ADARB2: variants seen among roughly 807,000 people sequenced by gnomAD.
The protein encoded by ADARB2 is inactive double-stranded RNA-specific editase B2.
A neutral mutation model predicts 62.2 loss-of-function variants in ADARB2; 25 were observed. That is an observed-to-expected ratio of 0.40 (90% CI 0.29 to 0.56). The LOEUF is 0.56. Among genes scored for constraint, ADARB2 ranks in the 20% least tolerant of loss-of-function variants. The probability of loss-of-function intolerance (pLI) is 0.43; values close to 1 mark genes in which losing one functional copy is unlikely to be tolerated. For missense variants in ADARB2, 1,071 were observed against 1,077.4 expected, an observed-to-expected ratio of 0.99 and a Z score of 0.08; for synonymous variants, 572 against 500.8, an observed-to-expected ratio of 1.14 and a Z score of -1.90.
intron 7 of ADARB2, chr10:1,215,872 G>C (rs78359999): frequency 1.3e-5 from 2 of 152,244 alleles, no homozygotes; most frequent in African/African-American, 4.8e-5. Flanking sequence ...AGACCAATGT[G>C]GGGGAGGTCT....
In ADARB2 at chr10:1,426,793, C is replaced by T. The variant is rs900211064; in HGVS notation, c.101-47633G>A. On this transcript the variant is annotated intron_variant, in intron 1 of 9. Transcript: ENST00000381312. This position sits in a 1 kb window ranked among gnomAD's most constrained non-coding sequence, Gnocchi z 4.1. ...TTGACTCCTGACGGCGCTTACTCCA[C>T]CACTGCATCCCTTCTATACCCTGCT... Among the ~76,000 whole-genome samples the T allele has an allele frequency of 2.0e-5, 3 of 152,234 alleles. No homozygotes were observed.
intron 1 of ADARB2, among the ~76,000 whole-genome samples, chr10:1,530,749 T>C (rs1265547910): frequency 1.3e-5 from 2 of 152,350 alleles, no homozygotes; most frequent in African/African-American, 4.8e-5. Flanking sequence ...CTGGGTTCTC[T>C]CTCCAGCTCA....
intron 1 of ADARB2, among the ~76,000 whole-genome samples, chr10:1,553,682 C>T (rs901466868): frequency 6.6e-6 from 1 of 152,188 alleles, no homozygotes; most frequent in Non-Finnish European, 1.5e-5. Context: ...GTCCTTTCTA[C>T]CCAGAAGCCT....
intron 1 of ADARB2, among the ~76,000 whole-genome samples, chr10:1,591,379 T>C (rs1337895755): frequency 1.5e-5 from 1 of 66,114 alleles, no homozygotes; most frequent in Non-Finnish European, 3.1e-5. Flanking sequence ...TCATTCCCAC[T>C]AAGCACTGTT....
chr10:1,536,135 G>A (rs981202261), intron 1 of ADARB2, among the ~76,000 whole-genome samples: 8 of 152,154 alleles, frequency 5.3e-5, no homozygotes, highest in African/African-American at 1.7e-4. Context: ...TGATTCAGGC[G>A]TTGAAGCCTC....
chr10:1,659,542 G>A (rs1834217717), intron 1 of ADARB2, among the ~76,000 whole-genome samples: 1 of 152,254 alleles, frequency 6.6e-6, no homozygotes. Context: ...GGTCACTTTA[G>A]TCTGAATTCT....
intron 1 of ADARB2, among the ~76,000 whole-genome samples, chr10:1,657,899 GTCTCTGTCTCTCTTTATCTGAT>G (rs796094210): frequency 4.0e-5 from 6 of 151,624 alleles, no homozygotes; most frequent in East Asian, 1.9e-4. Flanking sequence ...GTTTCTCCCC[GTCTCTGTCTCTCTTTATCTGAT>G]TCTCTGTCTC....
intron 1 of ADARB2, among the ~76,000 whole-genome samples, chr10:1,619,280 C>T (rs1405682594): frequency 6.3e-5 from 7 of 111,078 alleles, no homozygotes; most frequent in African/African-American, 1.8e-4. Context: ...GACACAAATA[C>T]ATTGAAAGTA....
intron 1 of ADARB2, among the ~76,000 whole-genome samples, chr10:1,429,773 T>C (rs1180210967): frequency 2.8e-4 from 43 of 152,240 alleles, no homozygotes; most frequent in Non-Finnish European, 8.8e-5. Flanking sequence ...AAAGATTAGA[T>C]ACAATCTTTC....
chr10:1,590,698 T>G (rs1479980539), intron 1 of ADARB2, among the ~76,000 whole-genome samples: 2 of 152,174 alleles, frequency 1.3e-5, no homozygotes, highest in Non-Finnish European at 2.9e-5. Flanking sequence ...GGTAGCATAG[T>G]CAAACTCATA....
At chr10:1,267,019 C>A (rs1485915626) in intron 4 of ADARB2, among the ~76,000 whole-genome samples, 2 of 149,482 alleles carry the variant, frequency 1.3e-5, no homozygotes, top group African/African-American at 2.5e-5. Context: ...GCAAATTTAA[C>A]AAAAATGCGT....
intron 4 of ADARB2, among the ~76,000 whole-genome samples, chr10:1,268,996 C>T (rs1382206833): frequency 6.6e-6 from 1 of 152,140 alleles, no homozygotes; most frequent in Non-Finnish European, 1.5e-5. Flanking sequence ...TGAGTTCCAG[C>T]GCTGAGAAAT....
intron 2 of ADARB2, among the ~76,000 whole-genome samples, chr10:1,377,136 GGT>G (rs1334960233): frequency 3.0e-5 from 4 of 135,534 alleles, no homozygotes; most frequent in Admixed American, 7.3e-5. Flanking sequence ...GCGTCCCTGG[GGT>G]GTGTGTGTTT....
At chr10:1,491,703 G>A (rs1831624462) in intron 1 of ADARB2, among the ~76,000 whole-genome samples, 1 of 152,108 alleles carries the variant, frequency 6.6e-6, no homozygotes, top group South Asian at 2.1e-4. Context: ...CTTTCTTTAT[G>A]TTTTTGTGTA....
At chr10:1,593,925 T>G (rs933009893) in intron 1 of ADARB2, among the ~76,000 whole-genome samples, 1 of 152,140 alleles carries the variant, frequency 6.6e-6, no homozygotes, top group Non-Finnish European at 1.5e-5. Context: ...TCTCATGGGA[T>G]TCGGAGAGCT....
chr10:1,516,768 G>C (rs567217446), intron 1 of ADARB2, among the ~76,000 whole-genome samples: 247 of 152,366 alleles, frequency 1.6e-3, no homozygotes, highest in African/African-American at 5.6e-3. Context: ...ATGAGTTAAA[G>C]TATGAGGATA....
intron 3 of ADARB2, among the ~76,000 whole-genome samples, chr10:1,277,551 C>CA (rs752666692): frequency 1.2e-4 from 18 of 152,094 alleles, no homozygotes; most frequent in Non-Finnish European, 2.2e-4. Flanking sequence ...AAGACTAAAC[C>CA]AGGAAGAAGT....
At chr10:1,672,523 C>T (rs1343296302) in intron 1 of ADARB2, among the ~76,000 whole-genome samples, 1 of 152,188 alleles carries the variant, frequency 6.6e-6, no homozygotes, top group Admixed American at 6.5e-5. Context: ...CTCCAAGAGC[C>T]CGCCTTTTCC....
intron 1 of ADARB2, among the ~76,000 whole-genome samples, chr10:1,450,479 A>ATGG (rs1831022627): frequency 6.6e-6 from 1 of 152,118 alleles, no homozygotes; most frequent in African/African-American, 2.4e-5. Context: ...GGATGCCCGG[A>ATGG]TGGTGCCTCC....
Sources: gnomAD v4.1 joint callset for allele counts (sites outside exome capture counted in the v4.1 genomes callset) on GRCh38, gnomAD v4.1.1 for gene constraint, Gnocchi (gnomAD v3.1) non-coding constraint, MANE v1.5 for transcripts, NCBI Gene and HGNC (gene_info 2026-07-23, HGNC 2026-07-21) for gene names.